Variants in NBPF8 observed in about 807,000 individuals in gnomAD.
NBPF8 encodes the protein NBPF family member NBPF8.
chr1:120,417,607 C>CT (rs1236479966), upstream of NBPF8, among the ~76,000 whole-genome samples: 2,296 of 52,580 alleles, frequency 0.044, 317 homozygotes, highest in African/African-American at 0.17. Flanking sequence ...TTTTGCATTT[C>CT]TTTTTTTTTT....
At chr1:120,454,604 C>G (rs1424484966) in intron 15 of NBPF8, among the ~76,000 whole-genome samples, 1 of 149,908 alleles carries the variant, frequency 6.7e-6, no homozygotes, top group Non-Finnish European at 1.5e-5. Flanking sequence ...AACTTTTCTT[C>G]TTTACTTTGC....
chr1:120,424,456 T>A (rs1227814936), intron 1 of NBPF8, among the ~76,000 whole-genome samples: 1 of 148,592 alleles, frequency 6.7e-6, no homozygotes, highest in African/African-American at 2.4e-5. Flanking sequence ...TATTTTATCT[T>A]TTTTTTTGGA....
At chr1:120,423,403 A>G (rs1660624226) in intron 1 of NBPF8, among the ~76,000 whole-genome samples, 1 of 106,136 alleles carries the variant, frequency 9.4e-6, no homozygotes, top group South Asian at 2.5e-4. Flanking sequence ...TTGTCTCTAA[A>G]CCTCCATGGA....
At chr1:120,418,533 T>C (rs1660486610), upstream of NBPF8, among the ~76,000 whole-genome samples, 2 of 151,444 alleles carry the variant, frequency 1.3e-5, no homozygotes, top group East Asian at 1.9e-4. Flanking sequence ...TACATAATAG[T>C]TTTAGGACTA....
chr1:120,426,280 A>G (rs1262234990), intron 2 of NBPF8, among the ~76,000 whole-genome samples: 2 of 149,818 alleles, frequency 1.3e-5, no homozygotes, highest in Middle Eastern at 3.3e-3. Flanking sequence ...CTTTCAACCA[A>G]TAACAACTCA....
intron 20 of NBPF8, 60 bp from the exon 19 acceptor site, chr1:120,462,734 T>A: frequency 4.5e-6 from 1 of 224,528 alleles, no homozygotes; most frequent in Non-Finnish European, 8.0e-6. Flanking sequence ...GAAATCTAGC[T>A]GGGGCTGTGT....
At chr1:120,415,168 C>A (rs1375854531), upstream of NBPF8, among the ~76,000 whole-genome samples, 1 of 152,134 alleles carries the variant, frequency 6.6e-6, no homozygotes, top group Non-Finnish European at 1.5e-5. Context: ...CTTTTGGGAA[C>A]GCGGGACGGG....
chr1:120,431,937 C>G (rs1660891337), upstream of NBPF8, among the ~76,000 whole-genome samples: 1 of 136,136 alleles, frequency 7.3e-6, no homozygotes, highest in Non-Finnish European at 1.6e-5. Flanking sequence ...GAAATTATCA[C>G]CAGACCAACT....
In NBPF8 at chr1:120,422,542, C is replaced by T. The variant is rs1370267290; in HGVS notation, n.269+2424C>T. Among the ~76,000 whole-genome samples the T allele has an allele frequency of 1.2e-4, 14 of 117,112 alleles. 2 individuals are homozygous for T. Among genetic ancestry groups the T allele is most frequent in the African/African-American group, 2.6e-4 (6 of 23,178 alleles). 76.8% of individuals were successfully genotyped at this position (117,112 alleles called of 152,430 possible). A position where few individuals can be genotyped will look rare whatever the true frequency, so the allele number is the denominator to read the frequency against. On this transcript the variant is annotated intron_variant and non_coding_transcript_variant, in intron 1 of 28. Transcript: ENST00000652355. ...CATTGTGTACTTTTAAGTTCCTCCACGTCTTTTCATGACTTGACAGCTTGT... is the reference window on the plus strand; with the variant it reads ...CATTGTGTACTTTTAAGTTCCTCCATGTCTTTTCATGACTTGACAGCTTGT...
chr1:120,421,265 C>T (rs1243596774), intron 1 of NBPF8, among the ~76,000 whole-genome samples: 3 of 152,206 alleles, frequency 2.0e-5, no homozygotes, highest in African/African-American at 4.8e-5. Context: ...TCTCCAATAA[C>T]TAGTTAGCGT....
upstream of NBPF8, among the ~76,000 whole-genome samples, chr1:120,434,289 TTA>T (rs1184650903): frequency 0.9 from 130,780 of 145,672 alleles, 58,863 homozygotes; most frequent in African/African-American, 0.94. Context: ...TATACACGTA[TTA>T]TATATATATA....
At chr1:120,450,262 TA>T (rs1204625965) in intron 11 of NBPF8, among the ~76,000 whole-genome samples, 1 of 151,910 alleles carries the variant, frequency 6.6e-6, no homozygotes, top group African/African-American at 2.4e-5. Flanking sequence ...AAAATAAGAA[TA>T]AAAAGCAGAG....
exon 1 of NBPF8, chr1:120,436,690 G>C (rs1422408220): frequency 2.4e-5 from 31 of 1,317,562 alleles, no homozygotes; most frequent in South Asian, 7.1e-5. Flanking sequence ...ACCGACAGAA[G>C]AAATACAGTA....
intron 2 of NBPF8, among the ~76,000 whole-genome samples, chr1:120,426,922 G>A (rs1304849833): frequency 3.5e-5 from 5 of 143,552 alleles, no homozygotes; most frequent in Non-Finnish European, 7.6e-5. Context: ...AAATCCAGCA[G>A]GAGTTTCTTA....
chr1:120,416,761 A>G (rs1173832228), upstream of NBPF8, among the ~76,000 whole-genome samples: 2 of 152,006 alleles, frequency 1.3e-5, no homozygotes, highest in Non-Finnish European at 2.9e-5. Context: ...TTAGTATTAC[A>G]TATTGTTGAA....
intron 11 of NBPF8, among the ~76,000 whole-genome samples, chr1:120,450,537 G>A (rs1402972153): frequency 3.9e-5 from 6 of 152,262 alleles, no homozygotes; most frequent in African/African-American, 1.4e-4. Flanking sequence ...CAGTCTCCTA[G>A]AACATTTATT....
intron 24 of NBPF8, among the ~76,000 whole-genome samples, chr1:120,465,768 GTC>G (rs1661725582): frequency 6.6e-6 from 1 of 151,390 alleles, no homozygotes; most frequent in African/African-American, 2.4e-5. Context: ...CTCTGTCTCT[GTC>G]TCTGTCTCTC....
At chr1:120,452,468 T>C in intron 13 of NBPF8, 137 bp downstream of exon 11, 1 of 635,686 alleles carries the variant, frequency 1.6e-6, no homozygotes, top group Non-Finnish European at 2.8e-6. Flanking sequence ...TGACCAGGAC[T>C]TCTTGGGTAA....
intron 11 of NBPF8, among the ~76,000 whole-genome samples, chr1:120,450,039 C>A (rs1556606548): frequency 6.6e-6 from 1 of 152,104 alleles, no homozygotes; most frequent in South Asian, 2.1e-4. Context: ...CCAGCCTGGG[C>A]AACATGGAGA....
Sources: allele counts gnomAD v4.1 joint callset (sites outside exome capture counted in the v4.1 genomes callset), GRCh38; gene constraint gnomAD v4.1.1; transcripts MANE v1.5; gene names NCBI Gene and HGNC (gene_info 2026-07-23, HGNC 2026-07-21).